Variants in UNC79 observed in about 807,000 individuals in gnomAD.
UNC79 encodes protein unc-79 homolog.
Under a neutral mutation model 283.1 loss-of-function variants are expected in UNC79, and 37 were observed. The observed-to-expected ratio is 0.13, with a 90% CI of 0.10 to 0.17. The LOEUF is 0.17. Among genes scored for constraint, UNC79 ranks in the 10% least tolerant of loss-of-function variants. The pLI, the probability that UNC79 is intolerant of heterozygous loss-of-function variation, is 1.00. For missense variants in UNC79, 2,272 were observed against 3,211.1 expected (o/e 0.71, Z 7.07); for synonymous variants, 1,107 against 1,200.2 (o/e 0.92, Z 1.61).
intron 1 of UNC79, among the ~76,000 whole-genome samples, chr14:93,458,768 A>C (rs2056862955): frequency 6.6e-6 from 1 of 152,226 alleles, no homozygotes; most frequent in Non-Finnish European, 1.5e-5. Context: ...ACTGTTGACC[A>C]TCTGCTATGT....
At chr14:93,641,274 C>A (rs2069008238) in intron 33 of UNC79, 27 bp downstream of exon 36, 1 of 1,592,250 alleles carries the variant, frequency 6.3e-7, no homozygotes, top group South Asian at 1.1e-5. Context: ...ATTTTCTTCA[C>A]CATGTTTACA....
chr14:93,607,715 G>A (rs2065985207), intron 26 of UNC79, among the ~76,000 whole-genome samples: 1 of 152,196 alleles, frequency 6.6e-6, no homozygotes, highest in Non-Finnish European at 1.5e-5. Flanking sequence ...TTCTGCCTCA[G>A]CCTGCAGAGA....
chr14:93,348,078 T>C (rs1259559518), intron 1 of UNC79: 1 of 1,612,966 alleles, frequency 6.2e-7, no homozygotes, highest in Non-Finnish European at 8.5e-7. Flanking sequence ...TAACACCAGC[T>C]GCATATGTGC....
At chr14:93,558,192 A>G (rs1435724977) in intron 14 of UNC79, among the ~76,000 whole-genome samples, 2 of 152,218 alleles carry the variant, frequency 1.3e-5, no homozygotes, top group Non-Finnish European at 2.9e-5. Context: ...GCAGAACAAC[A>G]AATTCATATC....
At chr14:93,434,220 A>T (rs75704131) in intron 1 of UNC79, among the ~76,000 whole-genome samples, 4 of 146,356 alleles carry the variant, frequency 2.7e-5, no homozygotes, top group Non-Finnish European at 1.5e-5. Context: ...TCTCAAAAAG[A>T]AAAAAAAAAA....
intron 31 of UNC79, among the ~76,000 whole-genome samples, chr14:93,635,055 T>C (rs927966872): frequency 6.6e-6 from 1 of 152,232 alleles, no homozygotes; most frequent in Non-Finnish European, 1.5e-5. Flanking sequence ...CTTAGTGACA[T>C]CATGATCTGC....
intron 4 of UNC79, among the ~76,000 whole-genome samples, chr14:93,478,866 T>A (rs960395228): frequency 1.3e-5 from 2 of 152,238 alleles, no homozygotes; most frequent in African/African-American, 4.8e-5. Context: ...ATATATCTTT[T>A]GAGCTACATT....
chr14:93,574,633 A>G (rs868658984), intron 16 of UNC79, among the ~76,000 whole-genome samples: 5 of 152,322 alleles, frequency 3.3e-5, no homozygotes, highest in Non-Finnish European at 4.4e-5. Flanking sequence ...TTAATGACAG[A>G]GAAAGTGACT....
chr14:93,694,889 T>C (rs772268311), intron 47 of UNC79, among the ~76,000 whole-genome samples: 6 of 152,250 alleles, frequency 3.9e-5, no homozygotes, highest in Non-Finnish European at 8.8e-5. Flanking sequence ...AAATAGTCTG[T>C]AATTGTCTGA....
intron 1 of UNC79, among the ~76,000 whole-genome samples, chr14:93,447,333 C>T (rs1420242046): frequency 6.6e-6 from 1 of 152,012 alleles, no homozygotes; most frequent in Admixed American, 6.6e-5. Context: ...TTATGTACTT[C>T]CTTAATTTTT....
At position 93,692,035 on chromosome 14, in the gene UNC79, C is replaced by T. The variant is rs189108926; in HGVS notation, c.7470+89C>T. Reference sequence around the variant, plus strand: ...CCTCACACTCCCTGTTTTCACAGATCTCAGTTGTAAGGTTATATAAATGGA... The same window carrying T: ...CCTCACACTCCCTGTTTTCACAGATTTCAGTTGTAAGGTTATATAAATGGA... On this transcript the variant is annotated intron_variant, in intron 46 of 48. Transcript: ENST00000555664. The T allele has an allele frequency of 3.0e-5, 44 of 1,459,224 alleles. No individual in the cohort carries two copies. In the East Asian group the frequency reaches 5.0e-4, roughly 17 times the overall value. The allele number at this position is 1,459,224 out of a possible 1,614,324, so 90.4% of individuals were successfully genotyped here.
chr14:93,634,427 TGAAG>T (rs1307229344), intron 31 of UNC79, 90 bp from the exon 34 acceptor site: 69 of 916,606 alleles, frequency 7.5e-5, no homozygotes, highest in Non-Finnish European at 8.6e-6. Context: ...GAATAGCAAA[TGAAG>T]GGTCAATTAA....
intron 14 of UNC79, among the ~76,000 whole-genome samples, chr14:93,545,220 AT>A (rs1355750124): frequency 3.9e-5 from 6 of 152,202 alleles, no homozygotes; most frequent in Non-Finnish European, 7.3e-5. Context: ...AAAACATAAA[AT>A]TTCTCTTTAC....
In UNC79 at chr14:93,688,853, C is replaced by T; in HGVS notation, c.7085+13C>T. On this transcript the variant is annotated intron_variant, in intron 44 of 48. Transcript: ENST00000555664. This position sits in a 1 kb window ranked among gnomAD's most constrained non-coding sequence, Gnocchi z 4.0. ...CAATGCAGCAAGGGTAAGACCCTTA[C>T]TATTCCGGGAATGAGGGTAAAGAAG... is the stretch of plus-strand genomic sequence containing the variant. 1 of 1,609,696 alleles carries T rather than the reference C, an allele frequency of 6.2e-7. No individual in the cohort carries two copies. The highest frequency in any genetic ancestry group is 8.5e-7 in the Non-Finnish European group (1 of 1,177,604).
chr14:93,694,536 G>C, intron 47 of UNC79, 124 bp downstream of exon 50: 1 of 912,558 alleles, frequency 1.1e-6, no homozygotes, highest in Non-Finnish European at 1.7e-6. Flanking sequence ...GGAGAATTCA[G>C]GCTCCTATAA....
exon 40 of UNC79, chr14:93,662,701 G>A (rs1216850885): frequency 2.5e-6 from 4 of 1,608,406 alleles, no homozygotes; most frequent in Non-Finnish European, 3.4e-6. Context: ...TTATGTTACC[G>A]AGCTTTCACT....
chr14:93,527,923 C>T (rs2060620197), intron 8 of UNC79, among the ~76,000 whole-genome samples: 1 of 151,394 alleles, frequency 6.6e-6, no homozygotes, highest in Non-Finnish European at 1.5e-5. Flanking sequence ...TCGTGAAACC[C>T]AGCTGTATCA....
chr14:93,352,578 G>C (rs1334170512), intron 1 of UNC79, among the ~76,000 whole-genome samples: 1 of 152,122 alleles, frequency 6.6e-6, no homozygotes, highest in Non-Finnish European at 1.5e-5. Context: ...CACATTCAAG[G>C]TACAGTTTGT....
At chr14:93,667,231 G>C (rs1176294018) in intron 40 of UNC79, among the ~76,000 whole-genome samples, 1 of 151,574 alleles carries the variant, frequency 6.6e-6, no homozygotes, top group African/African-American at 2.4e-5. Flanking sequence ...AAAGGAGGGA[G>C]AGAAGGAGGG....
Sources: allele counts gnomAD v4.1 joint callset (sites outside exome capture counted in the v4.1 genomes callset), GRCh38; gene constraint gnomAD v4.1.1; non-coding constraint Gnocchi (gnomAD v3.1); transcripts MANE v1.5; gene names NCBI Gene and HGNC (gene_info 2026-07-23, HGNC 2026-07-21).